The following FOXJ3 variants were observed in gnomAD, a reference collection of about 807,000 sequenced individuals.
FOXJ3 encodes the protein forkhead box protein J3.
FOXJ3 carries 22 observed loss-of-function variants against 76.1 expected under a neutral mutation model. That is an observed-to-expected ratio of 0.29 (90% CI 0.21 to 0.41). The LOEUF is 0.41. Among genes scored for constraint, FOXJ3 ranks in the 10% least tolerant of loss-of-function variants. The probability of loss-of-function intolerance (pLI) is 1.00; values close to 1 mark genes in which losing one functional copy is unlikely to be tolerated. For missense variants in FOXJ3, 613 were observed against 762.1 expected (o/e 0.80, Z 2.30); for synonymous variants, 269 against 261.2 (o/e 1.03, Z -0.29).
intron 1 of FOXJ3, among the ~76,000 whole-genome samples, chr1:42,325,233 C>G (rs1655758731): frequency 6.6e-6 from 1 of 152,166 alleles, no homozygotes; most frequent in African/African-American, 2.4e-5. Context: ...GTAACAATTG[C>G]TCATTAGATG....
chr1:42,311,020 C>T (rs1314931171), intron 2 of FOXJ3, 30 bp downstream of exon 2: 1 of 1,433,220 alleles, frequency 7.0e-7, no homozygotes, highest in South Asian at 1.3e-5. Flanking sequence ...GTTATATGTT[C>T]TAATAAAGAA....
At position 42,335,134 on chromosome 1, in the gene FOXJ3, C is replaced by A. The variant is rs1197939445; in HGVS notation, c.-93G>T. The A allele has an allele frequency of 6.6e-6, 1 of 152,294 alleles. No homozygotes were observed. The highest frequency in any genetic ancestry group is 1.5e-5 in the Non-Finnish European group (1 of 68,162). 9.4% of individuals were successfully genotyped at this position (152,294 alleles called of 1,614,324 possible). The stretch of plus-strand genomic sequence containing the variant: ...GCGTCTCCGCCCCCCCGGGAAAGGT[C>A]CCAACGGTGCCTACTGCGAGCGGTC... On this transcript the variant is annotated 5_prime_UTR_variant, in exon 1 of 13. Coordinates refer to ENST00000361346, the MANE Select transcript of FOXJ3 (RefSeq NM_014947.5).
intron 4 of FOXJ3, among the ~76,000 whole-genome samples, chr1:42,247,972 A>T (rs1649681284): frequency 6.6e-6 from 1 of 152,202 alleles, no homozygotes; most frequent in South Asian, 2.1e-4. Context: ...GATCCTGAAA[A>T]CCTTATGCTA....
intron 7 of FOXJ3, among the ~76,000 whole-genome samples, chr1:42,195,837 A>C (rs574883310): frequency 3.3e-5 from 5 of 152,242 alleles, no homozygotes; most frequent in Non-Finnish European, 5.9e-5. Context: ...TAGTGTCCTT[A>C]CACATCTCCA....
intron 2 of FOXJ3, among the ~76,000 whole-genome samples, chr1:42,305,980 T>C (rs938497051): frequency 6.6e-6 from 1 of 152,160 alleles, no homozygotes; most frequent in African/African-American, 2.4e-5. Context: ...CCCATAAATA[T>C]ACATTTTACC....
intron 3 of FOXJ3, among the ~76,000 whole-genome samples, chr1:42,276,078 A>G (rs1290690574): frequency 1.3e-5 from 2 of 152,230 alleles, no homozygotes; most frequent in Non-Finnish European, 2.9e-5. Flanking sequence ...ATAATTGGCC[A>G]GGCACAGTGG....
At chr1:42,263,925 GT>G (rs1490789562) in intron 4 of FOXJ3, among the ~76,000 whole-genome samples, 1 of 133,346 alleles carries the variant, frequency 7.5e-6, no homozygotes, top group Non-Finnish European at 1.6e-5. Context: ...ATATGAGTAG[GT>G]TAACTTTTTT....
At position 42,265,158 on chromosome 1, in the gene FOXJ3, T is replaced by A; in HGVS notation, c.401A>T (p.Lys134Ile). 1 of 1,602,046 alleles carries A rather than the reference T, an allele frequency of 6.2e-7. No homozygotes were observed. The highest frequency in any genetic ancestry group is 1.7e-5 in the Admixed American group (1 of 59,378). The change falls in exon 4 of 13, where the codon AAA (lysine) becomes ATA (isoleucine). Residue 134 changes from lysine to isoleucine, a missense_variant. Around this residue, in one of 3 missense-constraint regions of FOXJ3, gnomAD observed 10 missense variants for 45.6 expected, o/e 0.22. Transcript: ENST00000361346. ...NSIRHNLSLN[K>I]CFLKVPRSKD... ...AGATCGAGGCACTTTAAGGAAACATTTGTTCAATGACAGATTATGTCGTAT... is the reference window on the plus strand; with the variant it reads ...AGATCGAGGCACTTTAAGGAAACATATGTTCAATGACAGATTATGTCGTAT...
At chr1:42,197,221 G>C (rs891210213) in intron 7 of FOXJ3, among the ~76,000 whole-genome samples, 2 of 152,050 alleles carry the variant, frequency 1.3e-5, no homozygotes, top group African/African-American at 4.8e-5. Flanking sequence ...AGAAGCCTGA[G>C]GCCAGGCATG....
intron 4 of FOXJ3, among the ~76,000 whole-genome samples, chr1:42,252,612 T>C (rs1650187930): frequency 6.6e-6 from 1 of 151,680 alleles, no homozygotes; most frequent in Admixed American, 6.6e-5. Context: ...TTTTTTTTTT[T>C]TGTCTCTATT....
In FOXJ3 at chr1:42,214,577, G is replaced by A. The variant is rs146895399; in HGVS notation, c.529-8714C>T. On this transcript the variant is annotated intron_variant, in intron 5 of 12. Transcript: ENST00000361346. ...GCTGATAACTATAAAGTATTATGGTGAGAAAAAAAATAGCTTTCTGAGCAT... is the reference window on the plus strand; with the variant it reads ...GCTGATAACTATAAAGTATTATGGTAAGAAAAAAAATAGCTTTCTGAGCAT... 1.4e-4 allele frequency among the ~76,000 whole-genome samples: 22 copies of A among 152,174 alleles called. No individual in the cohort carries two copies. The East Asian group carries it at 3.5e-3, about 24-fold the overall frequency.
At chr1:42,237,911 T>TACACACACAC (rs60804378) in intron 4 of FOXJ3, among the ~76,000 whole-genome samples, 483 of 150,716 alleles carry the variant, frequency 3.2e-3, no homozygotes, top group Middle Eastern at 0.027. Context: ...TCTATCAAAA[T>TACACACACAC]ACACACACAC....
intron 11 of FOXJ3, among the ~76,000 whole-genome samples, chr1:42,186,879 CCTCT>C (rs1489418122): frequency 2.6e-5 from 4 of 152,054 alleles, no homozygotes; most frequent in Non-Finnish European, 5.9e-5. Flanking sequence ...ACGAAGTCTC[CCTCT>C]GTCACCCAGG....
In FOXJ3 at chr1:42,222,938, C is replaced by T. The variant is rs185837121; in HGVS notation, c.528+4945G>A. Among the ~76,000 whole-genome samples the T allele has an allele frequency of 3.2e-3, 485 of 152,338 alleles. 2 individuals carry two copies. The highest frequency in any genetic ancestry group is 0.011 in the African/African-American group (467 of 41,572). On this transcript the variant is annotated intron_variant, in intron 5 of 12. Transcript: ENST00000361346. ...ACCACCTGAAAGCTAAGCCACATAA[C>T]CTATGAAGCCTTCTCAGACAGTACT...
chr1:42,228,778 G>A (rs1302778668), intron 4 of FOXJ3, among the ~76,000 whole-genome samples: 1 of 152,146 alleles, frequency 6.6e-6, no homozygotes, highest in Non-Finnish European at 1.5e-5. Flanking sequence ...CACACATGGG[G>A]GAGGAAAGCA....
intron 4 of FOXJ3, among the ~76,000 whole-genome samples, chr1:42,247,502 A>T (rs141070451): frequency 6.6e-6 from 1 of 152,338 alleles, no homozygotes; most frequent in African/African-American, 2.4e-5. Flanking sequence ...AAGGAGATGT[A>T]CAAATGGTCA....
At chr1:42,210,558 C>T (rs777200343) in intron 5 of FOXJ3, among the ~76,000 whole-genome samples, 2 of 152,136 alleles carry the variant, frequency 1.3e-5, no homozygotes, top group African/African-American at 4.8e-5. Context: ...CCTCAGCTAT[C>T]GTCATTGCCT....
intron 1 of FOXJ3, among the ~76,000 whole-genome samples, chr1:42,318,446 A>G (rs542754615): frequency 6.6e-6 from 1 of 152,150 alleles, no homozygotes; most frequent in Non-Finnish European, 1.5e-5. Flanking sequence ...GGTTCAAGCG[A>G]TTCTCCTGCC....
At chr1:42,326,185 A>C (rs1557728141) in intron 1 of FOXJ3, among the ~76,000 whole-genome samples, 1 of 152,162 alleles carries the variant, frequency 6.6e-6, no homozygotes, top group Non-Finnish European at 1.5e-5. Flanking sequence ...CAGGAGGTTG[A>C]GGTTGCAATG....
Sources: gnomAD v4.1 joint callset for allele counts (sites outside exome capture counted in the v4.1 genomes callset) on GRCh38, gnomAD v4.1.1 for gene constraint, gnomAD v4.1.1 regional missense constraint, MANE v1.5 for transcripts, NCBI Gene and HGNC (gene_info 2026-07-23, HGNC 2026-07-21) for gene names.